Variants in CTNND2 observed in about 807,000 individuals in gnomAD.
CTNND2 encodes catenin delta 2.
A neutral mutation model predicts 144.4 loss-of-function variants in CTNND2; 22 were observed. The observed-to-expected ratio is 0.15, with a 90% confidence interval of 0.11 to 0.22. The LOEUF is 0.22. Among genes scored for constraint, CTNND2 ranks in the 10% least tolerant of loss-of-function variants. The pLI, the probability that CTNND2 is intolerant of heterozygous loss-of-function variation, is 1.00. For missense variants in CTNND2, 1,353 were observed against 1,618.8 expected (o/e 0.84, Z 2.82); for synonymous variants, 751 against 695.6 (o/e 1.08, Z -1.25).
At chr5:11,057,427 A>G (rs1447324038) in intron 16 of CTNND2, among the ~76,000 whole-genome samples, 1 of 152,220 alleles carries the variant, frequency 6.6e-6, no homozygotes, top group Non-Finnish European at 1.5e-5. Flanking sequence ...CATTTTAAAA[A>G]TGGGAGTTCC....
intron 1 of CTNND2, among the ~76,000 whole-genome samples, chr5:11,793,141 C>T (rs909305970): frequency 3.3e-5 from 5 of 152,166 alleles, no homozygotes; most frequent in African/African-American, 1.2e-4. Flanking sequence ...GTTTGCTGTG[C>T]TATTGGTTTA....
At chr5:11,461,543 C>T (rs764638162) in intron 3 of CTNND2, among the ~76,000 whole-genome samples, 8 of 152,062 alleles carry the variant, frequency 5.3e-5, no homozygotes, top group East Asian at 1.9e-4. Context: ...GGTGGTCTAA[C>T]GCCAGAGACC....
chr5:11,639,485 C>T (rs1313171048), intron 2 of CTNND2, among the ~76,000 whole-genome samples: 1 of 152,174 alleles, frequency 6.6e-6, no homozygotes, highest in Non-Finnish European at 1.5e-5. Flanking sequence ...GAGCATCTGT[C>T]TTATAGCACA....
chr5:11,706,746 A>C (rs1364100448), intron 2 of CTNND2, among the ~76,000 whole-genome samples: 1 of 151,904 alleles, frequency 6.6e-6, no homozygotes, highest in Admixed American at 6.6e-5. Context: ...ATGCATCATA[A>C]TTAGTTTTTT....
chr5:10,989,232 G>A (rs999327470), intron 19 of CTNND2, among the ~76,000 whole-genome samples: 21 of 152,178 alleles, frequency 1.4e-4, no homozygotes, highest in Non-Finnish European at 1.9e-4. Flanking sequence ...GCAGCTGGTC[G>A]CGCACCCCAC....
chr5:11,502,933 G>T (rs1770680386), intron 3 of CTNND2, among the ~76,000 whole-genome samples: 1 of 152,224 alleles, frequency 6.6e-6, no homozygotes, highest in Admixed American at 6.5e-5. Context: ...ACAAGGATAT[G>T]ATTTGTATTC....
chr5:11,567,710 G>A (rs542205648), intron 2 of CTNND2, among the ~76,000 whole-genome samples: 31 of 152,202 alleles, frequency 2.0e-4, no homozygotes, highest in African/African-American at 7.2e-4. Context: ...TATCATTCAT[G>A]ACTTTATTTA....
intron 2 of CTNND2, among the ~76,000 whole-genome samples, chr5:11,722,844 C>T (rs988846751): frequency 2.6e-5 from 4 of 152,016 alleles, no homozygotes; most frequent in African/African-American, 9.7e-5. Flanking sequence ...GAGGACACAG[C>T]CAAACCATAT....
chr5:11,596,699 T>C (rs1247549366), intron 2 of CTNND2, among the ~76,000 whole-genome samples: 1 of 152,144 alleles, frequency 6.6e-6, no homozygotes, highest in Non-Finnish European at 1.5e-5. Context: ...GTCCTTTAAA[T>C]AGTTAACTTC....
intron 16 of CTNND2, among the ~76,000 whole-genome samples, chr5:11,078,787 A>C (rs1262447115): frequency 6.6e-6 from 1 of 152,226 alleles, no homozygotes; most frequent in African/African-American, 2.4e-5. Flanking sequence ...AAAAAAGAAA[A>C]GAGTATATGG....
At chr5:11,236,453 T>C (rs1462750980) in intron 10 of CTNND2, among the ~76,000 whole-genome samples, 1 of 152,192 alleles carries the variant, frequency 6.6e-6, no homozygotes, top group Non-Finnish European at 1.5e-5. Context: ...CCTCTATTAA[T>C]AACTAGCATA....
intron 3 of CTNND2, among the ~76,000 whole-genome samples, chr5:11,561,702 AC>A (rs1281119448): frequency 6.6e-6 from 1 of 152,128 alleles, no homozygotes; most frequent in Non-Finnish European, 1.5e-5. Flanking sequence ...ACAAATGCAT[AC>A]TGATAATTTT....
At chr5:11,319,732 G>T (rs745366207) in intron 9 of CTNND2, among the ~76,000 whole-genome samples, 1 of 152,078 alleles carries the variant, frequency 6.6e-6, no homozygotes, top group Non-Finnish European at 1.5e-5. Context: ...TGTTGGCCAC[G>T]CTGGTCTCGA....
chr5:11,860,182 T>C (rs1795437956), intron 1 of CTNND2, among the ~76,000 whole-genome samples: 1 of 152,232 alleles, frequency 6.6e-6, no homozygotes, highest in African/African-American at 2.4e-5. Context: ...AATCTCATGA[T>C]GAATTCATCT....
chr5:11,701,342 C>A (rs1426607659), intron 2 of CTNND2, among the ~76,000 whole-genome samples: 2 of 152,168 alleles, frequency 1.3e-5, no homozygotes, highest in East Asian at 3.9e-4. Context: ...AACCAGTCTG[C>A]TGGATACCCA....
chr5:11,619,293 AG>A (rs1162782134), intron 2 of CTNND2, among the ~76,000 whole-genome samples: 1 of 152,178 alleles, frequency 6.6e-6, no homozygotes, highest in Non-Finnish European at 1.5e-5. Flanking sequence ...CTGTGATCCC[AG>A]CTACTCCGGA....
intron 2 of CTNND2, among the ~76,000 whole-genome samples, chr5:11,584,304 G>A (rs1373757530): frequency 6.6e-6 from 1 of 152,054 alleles, no homozygotes; most frequent in East Asian, 1.9e-4. Context: ...AACAGTAGTG[G>A]AGGCGGAAAG....
intron 19 of CTNND2, among the ~76,000 whole-genome samples, chr5:10,989,697 A>G (rs1738444389): frequency 6.6e-6 from 1 of 152,124 alleles, no homozygotes; most frequent in Admixed American, 6.5e-5. Context: ...TCTATGTACA[A>G]ATTCCTGTGC....
intron 1 of CTNND2, among the ~76,000 whole-genome samples, chr5:11,770,911 A>C (rs1406690163): frequency 6.6e-6 from 1 of 151,976 alleles, no homozygotes; most frequent in Non-Finnish European, 1.5e-5. Context: ...GGAGGGGGGG[A>C]CTAGTTTCAG....
Sources: allele counts gnomAD v4.1 joint callset (sites outside exome capture counted in the v4.1 genomes callset), GRCh38; gene constraint gnomAD v4.1.1; transcripts MANE v1.5; gene names NCBI Gene and HGNC (gene_info 2026-07-23, HGNC 2026-07-21).